The following COX7B2 variants were observed in gnomAD, a reference collection of about 807,000 sequenced individuals.
The protein encoded by COX7B2 is cytochrome c oxidase subunit 7B2.
For missense variants in COX7B2, 109 were observed against 95.9 expected, an observed-to-expected ratio of 1.14 and a Z score of -0.57; for synonymous variants, 37 against 32.1, an observed-to-expected ratio of 1.15 and a Z score of -0.51.
chr4:46,764,399 G>T (rs778890460), intron 2 of COX7B2, among the ~76,000 whole-genome samples: 4 of 151,918 alleles, frequency 2.6e-5, no homozygotes, highest in Non-Finnish European at 5.9e-5. Flanking sequence ...ACAAAAATTA[G>T]CTGGGTGTGG....
chr4:46,819,328 C>T (rs1435926364), intron 2 of COX7B2, among the ~76,000 whole-genome samples: 1 of 152,134 alleles, frequency 6.6e-6, no homozygotes. Context: ...ATGCTAAGGG[C>T]TGGAGGCAGA....
At position 46,878,001 on chromosome 4, in the gene COX7B2, AT is replaced by A. The variant is rs572143262; in HGVS notation, c.-105+31158del. ...TACATGTCCACCAATGGATGAATGA[AT>A]AAAGAAATTGTAGTGCATACACACA... On this transcript the variant is annotated intron_variant, in intron 1 of 2. Coordinates refer to ENST00000355591, the MANE Select transcript of COX7B2 (RefSeq NM_130902.3). Among the ~76,000 whole-genome samples, 220 of 150,994 alleles carry A rather than the reference AT, an allele frequency of 1.5e-3. 1 individual carries two copies. Among genetic ancestry groups the A allele is most frequent in the African/African-American group, 5.2e-3 (213 of 41,014 alleles).
At chr4:46,811,681 G>T (rs76120915) in intron 2 of COX7B2, among the ~76,000 whole-genome samples, 1 of 152,054 alleles carries the variant, frequency 6.6e-6, no homozygotes, top group Non-Finnish European at 1.5e-5. Flanking sequence ...GTGTTCCTTT[G>T]GTGGAGTCAT....
chr4:46,904,551 A>T (rs1720262001), intron 1 of COX7B2, among the ~76,000 whole-genome samples: 1 of 152,190 alleles, frequency 6.6e-6, no homozygotes, highest in East Asian at 1.9e-4. Context: ...AAATTTTCAT[A>T]ATACTCTGTT....
intron 1 of COX7B2, among the ~76,000 whole-genome samples, chr4:46,901,865 G>T (rs1264644374): frequency 2.0e-5 from 3 of 152,170 alleles, no homozygotes; most frequent in Non-Finnish European, 4.4e-5. Context: ...CAGGCCTTGG[G>T]TATTAGAGTG....
intron 2 of COX7B2, among the ~76,000 whole-genome samples, chr4:46,835,186 G>T (rs1715424439): frequency 1.3e-5 from 2 of 152,088 alleles, no homozygotes; most frequent in Non-Finnish European, 2.9e-5. Context: ...GTGTATGACA[G>T]CATGACATAA....
chr4:46,824,375 T>A (rs1309931053), intron 2 of COX7B2, among the ~76,000 whole-genome samples: 3 of 152,038 alleles, frequency 2.0e-5, no homozygotes, highest in African/African-American at 7.2e-5. Context: ...TTGGAAGAAA[T>A]CCTTGCAAGA....
chr4:46,752,333 T>C (rs1238478464), intron 2 of COX7B2, among the ~76,000 whole-genome samples: 1 of 150,928 alleles, frequency 6.6e-6, no homozygotes, highest in Non-Finnish European at 1.5e-5. Context: ...GAGGATGGGG[T>C]TTTCTAGATA....
intron 2 of COX7B2, among the ~76,000 whole-genome samples, chr4:46,776,356 G>A (rs1717151643): frequency 6.6e-6 from 1 of 151,806 alleles, no homozygotes. Flanking sequence ...GGCCATAAGA[G>A]GTCACTACAA....
intron 1 of COX7B2, among the ~76,000 whole-genome samples, chr4:46,856,741 T>G (rs986839623): frequency 9.2e-5 from 14 of 152,212 alleles, no homozygotes; most frequent in Non-Finnish European, 1.5e-5. Context: ...ATTTTTGGTT[T>G]GTTTTGAATA....
intron 1 of COX7B2, among the ~76,000 whole-genome samples, chr4:46,889,741 C>T (rs925254444): frequency 6.6e-6 from 1 of 152,094 alleles, no homozygotes; most frequent in African/African-American, 2.4e-5. Flanking sequence ...ATTAAGTTTA[C>T]TTAGTACAGG....
intron 2 of COX7B2, among the ~76,000 whole-genome samples, chr4:46,802,728 G>T (rs1718723699): frequency 6.6e-6 from 1 of 152,158 alleles, no homozygotes; most frequent in Non-Finnish European, 1.5e-5. Flanking sequence ...TTGGCAAAGT[G>T]TCTCATGCAT....
chr4:46,833,618 G>T (rs1160384818), intron 2 of COX7B2, among the ~76,000 whole-genome samples: 1 of 152,102 alleles, frequency 6.6e-6, no homozygotes, highest in Non-Finnish European at 1.5e-5. Flanking sequence ...AAGAAGTATT[G>T]GGGAAAGGAA....
At chr4:46,805,017 A>G (rs563240667) in intron 2 of COX7B2, among the ~76,000 whole-genome samples, 20 of 151,804 alleles carry the variant, frequency 1.3e-4, no homozygotes, top group South Asian at 2.1e-4. Context: ...GAAGTCGAGC[A>G]CAGCAGCTGC....
At chr4:46,737,771 A>T (rs1462686676) in intron 2 of COX7B2, among the ~76,000 whole-genome samples, 2 of 152,134 alleles carry the variant, frequency 1.3e-5, no homozygotes, top group African/African-American at 4.8e-5. Context: ...AACATAGGCA[A>T]CACAGATATA....
At chr4:46,776,956 G>T (rs893143671) in intron 2 of COX7B2, among the ~76,000 whole-genome samples, 2 of 152,172 alleles carry the variant, frequency 1.3e-5, no homozygotes, top group Non-Finnish European at 2.9e-5. Flanking sequence ...GCAGCTGGCA[G>T]TAAGATGGTT....
At chr4:46,808,627 G>A (rs1719128744) in intron 2 of COX7B2, among the ~76,000 whole-genome samples, 1 of 151,668 alleles carries the variant, frequency 6.6e-6, no homozygotes, top group African/African-American at 2.4e-5. Context: ...AAATCTCAAT[G>A]GAAAAACTTT....
Position 46,735,184 on chromosome 4 carries a change from AAAC to A in COX7B2, c.6_8del (p.Met2_Phe3delinsIle), listed in dbSNP as rs1409131957. 6.2e-7 allele frequency: 1 copy of A among 1,613,038 alleles called. No individual in the cohort carries two copies. Among genetic ancestry groups the A allele is most frequent in the South Asian group, 1.1e-5 (1 of 90,840 alleles). ...TGCTTAGTGCATTTCTGGCCAAGGG[AAAC>A]ATCATGAAGGATTGCAGTTGCCTTC... is the stretch of plus-strand genomic sequence containing the variant. On this transcript the variant is annotated inframe_deletion, in exon 3 of 3. Coordinates refer to ENST00000355591, the MANE Select transcript of COX7B2 (RefSeq NM_130902.3).
At chr4:46,770,820 C>A (rs1357273610) in intron 2 of COX7B2, among the ~76,000 whole-genome samples, 1 of 152,036 alleles carries the variant, frequency 6.6e-6, no homozygotes, top group Non-Finnish European at 1.5e-5. Context: ...TATGCAGAAT[C>A]AACTCAAAAG....
Sources: allele counts gnomAD v4.1 joint callset (sites outside exome capture counted in the v4.1 genomes callset), GRCh38; gene constraint gnomAD v4.1.1; transcripts MANE v1.5; gene names NCBI Gene and HGNC (gene_info 2026-07-23, HGNC 2026-07-21).